The following HDDC2 variants were observed in gnomAD, a reference collection of about 807,000 sequenced individuals.
HDDC2 encodes HD domain containing 2, also known as 5'-deoxynucleotidase HDDC2.
Under a neutral mutation model 25.5 loss-of-function variants are expected in HDDC2, and 25 were observed. That is an observed-to-expected ratio of 0.98 (90% confidence interval 0.72 to 1.37). The LOEUF (loss-of-function observed/expected upper bound fraction) is 1.37. Ranked by LOEUF, HDDC2 falls within the 40% of genes most tolerant of loss-of-function variation. HDDC2 has a pLI of 0.00. For missense variants in HDDC2, 264 were observed against 253.1 expected (o/e 1.04, Z -0.29); for synonymous variants, 106 against 89.7 (o/e 1.18, Z -1.03).
intron 1 of HDDC2, among the ~76,000 whole-genome samples, chr6:125,301,315 G>C (rs994555231): frequency 2.0e-5 from 3 of 152,100 alleles, no homozygotes; most frequent in Non-Finnish European, 2.9e-5. Flanking sequence ...ATCCCGTTTG[G>C]GGGGTGGCCG....
intron 3 of HDDC2, among the ~76,000 whole-genome samples, chr6:125,295,741 A>G (rs1018685498): frequency 1.1e-4 from 17 of 152,134 alleles, no homozygotes; most frequent in African/African-American, 4.1e-4. Flanking sequence ...ACCCTCCCAG[A>G]CACAGGCATA....
Position 125,301,750 on chromosome 6 carries a change from G to A in HDDC2, c.84+99C>T, listed in dbSNP as rs996414406. 9 of 829,840 alleles carry A rather than the reference G, an allele frequency of 1.1e-5. No homozygotes were observed. The African/African-American group carries it at 1.3e-4, about 12-fold the overall frequency. 51.4% of individuals were successfully genotyped at this position (829,840 alleles called of 1,614,324 possible). A position where few individuals can be genotyped will look rare whatever the true frequency, so the allele number is the denominator to read the frequency against. On this transcript the variant is annotated intron_variant, in intron 1 of 5. Transcript: ENST00000398153. ...ATTCGGCGTGGCGGACGCGGCGCAG[G>A]AAGGGCAAAGACCGCCGGCCGAGCG...
intron 4 of HDDC2, among the ~76,000 whole-genome samples, chr6:125,287,577 G>A (rs866961170): frequency 6.6e-6 from 1 of 152,220 alleles, no homozygotes; most frequent in African/African-American, 2.4e-5. Context: ...ACAATTAGGT[G>A]TAACTGTTCA....
At chr6:125,290,087 T>C (rs1798608116) in intron 4 of HDDC2, among the ~76,000 whole-genome samples, 1 of 150,610 alleles carries the variant, frequency 6.6e-6, no homozygotes, top group East Asian at 1.9e-4. Flanking sequence ...ATAGTTGTAA[T>C]TAGCATTTCT....
intron 4 of HDDC2, chr6:125,278,988 A>G (rs956522313): frequency 6.6e-6 from 1 of 152,198 alleles, no homozygotes; most frequent in Non-Finnish European, 1.5e-5. Flanking sequence ...AAACAGCAAA[A>G]CCCAAACAAA....
At position 125,298,706 on chromosome 6, in the gene HDDC2, A is replaced by G; in HGVS notation, c.309+8T>C. The stretch of plus-strand genomic sequence containing the variant: ...TGGTTTTTTGCACAGTCAATAGTCA[A>G]CACTGACCTCTTCTCGCCTATGTTT... On this transcript the variant is annotated splice_region_variant and intron_variant, in intron 3 of 5. Coordinates refer to ENST00000398153, the MANE Select transcript of HDDC2 (RefSeq NM_016063.3). 6.2e-7 allele frequency: 1 copy of G among 1,609,964 alleles called. No individual in the cohort carries two copies. Among genetic ancestry groups the G allele is most frequent in the Non-Finnish European group, 8.5e-7 (1 of 1,176,168 alleles).
At chr6:125,300,333 C>T (rs1562451756) in intron 2 of HDDC2, 1 of 566,428 alleles carries the variant, frequency 1.8e-6, no homozygotes, top group South Asian at 2.6e-5. Context: ...CAGGCTCTAT[C>T]ACTTGCCAAC....
intron 4 of HDDC2, among the ~76,000 whole-genome samples, chr6:125,286,449 A>C (rs1798536522): frequency 6.6e-6 from 1 of 152,234 alleles, no homozygotes; most frequent in South Asian, 2.1e-4. Context: ...TCATGTGTAA[A>C]GAGGGATAAA....
chr6:125,281,820 C>A (rs1335099502), intron 4 of HDDC2, among the ~76,000 whole-genome samples: 1 of 152,114 alleles, frequency 6.6e-6, no homozygotes, highest in Non-Finnish European at 1.5e-5. Flanking sequence ...GCAAGATAGG[C>A]CAGCATTCAA....
In HDDC2 at chr6:125,300,605, A is replaced by G. The variant is rs573486083; in HGVS notation, c.139T>C (p.Ser47Pro). 3.1e-5 allele frequency: 50 copies of G among 1,614,164 alleles called. No individual in the cohort carries two copies. The East Asian group carries it at 1.1e-3, about 35-fold the overall frequency. The change falls in exon 2 of 6, where the codon TCA becomes CCA. Residue 47 changes from serine (S) to proline (P), a missense_variant. Ser to Pro is a moderately conservative substitution (Grantham distance 74, BLOSUM62 -1). Coordinates refer to ENST00000398153, the MANE Select transcript of HDDC2 (RefSeq NM_016063.3). ...YRNVQRPESV[S>P]DHMYRMAVMA... ...ACTGCCATCCGGTACATGTGATCTG[A>G]AACGCTCTCCGGCCTCTGGACATTT...
rs1260454389 is a variant in HDDC2 at position 125,301,904 on chromosome 6, G to A, written c.29C>T (p.Ser10Leu). The change falls in exon 1 of 6, where the codon TCG becomes TTG. Residue 10 changes from serine (S) to leucine (L), a missense_variant. Transcript: ENST00000398153. ...CAGTAGGGACCGAGCCCCGTGGCCC[G>A]AGAAGGTCGCAGAGGAGACCGAAGC... MASVSSATFSGHGARSLLQF... is the reference protein window; with the variant it reads MASVSSATFLGHGARSLLQF... The A allele has an allele frequency of 5.2e-6, 8 of 1,552,020 alleles. No individual in the cohort carries two copies. The highest frequency in any genetic ancestry group is 4.8e-5 in the East Asian group (2 of 41,572).
At chr6:125,282,978 G>A (rs184181046) in intron 4 of HDDC2, among the ~76,000 whole-genome samples, 4 of 152,226 alleles carry the variant, frequency 2.6e-5, no homozygotes, top group African/African-American at 9.6e-5. Flanking sequence ...CCTAAATATA[G>A]GCTTCATCTT....
At chr6:125,301,482 G>GCACACACACGCGCGCACGCACACA (rs1412473241) in intron 1 of HDDC2, among the ~76,000 whole-genome samples, 19 of 120,420 alleles carry the variant, frequency 1.6e-4, no homozygotes, top group African/African-American at 6.4e-4. Flanking sequence ...GGGGTCGTGA[G>GCACACACACGCGCGCACGCACACA]CACACACACA....
intron 4 of HDDC2, among the ~76,000 whole-genome samples, chr6:125,291,988 T>C (rs1436882858): frequency 1.3e-5 from 2 of 151,908 alleles, no homozygotes; most frequent in African/African-American, 4.8e-5. Flanking sequence ...CATGAAACTC[T>C]GCCAGCTTTG....
In HDDC2 at chr6:125,293,857, G is replaced by A. The variant is rs549443906; in HGVS notation, c.310-948C>T. On this transcript the variant is annotated intron_variant, in intron 3 of 5. Transcript: ENST00000398153. ...TCTGCATTTGTCAAGCAGAGGCTAG[G>A]AGAGAAGCCATATTCCCCACCACAA... 1.4e-4 allele frequency among the ~76,000 whole-genome samples: 22 copies of A among 152,266 alleles called. 1 individual carries two copies. The South Asian group carries it at 4.4e-3, about 30-fold the overall frequency.
In HDDC2 at chr6:125,301,890, G is replaced by A. The variant is rs777901471; in HGVS notation, c.43C>T (p.Arg15Trp). 1.3e-6 allele frequency: 2 copies of A among 1,551,692 alleles called. No individual in the cohort carries two copies. Among genetic ancestry groups the A allele is most frequent in the Non-Finnish European group, 8.7e-7 (1 of 1,149,450 alleles). ...SSATFSGHGA[R>W]SLLQFLRLVG... The stretch of plus-strand genomic sequence containing the variant: ...AGCCGCAGGAACTGCAGTAGGGACC[G>A]AGCCCCGTGGCCCGAGAAGGTCGCA... The change falls in exon 1 of 6, where the codon CGG (arginine) becomes TGG (tryptophan). Residue 15 changes from arginine (R) to tryptophan (W), a missense_variant. Arg to Trp is a moderately radical substitution (Grantham distance 101). Coordinates refer to ENST00000398153, the MANE Select transcript of HDDC2 (RefSeq NM_016063.3).
intron 1 of HDDC2, 35 bp from the exon 2 acceptor site, chr6:125,300,694 G>A (rs749526809): frequency 1.8e-5 from 29 of 1,600,606 alleles, no homozygotes; most frequent in Non-Finnish European, 2.4e-5. Context: ...AAGTTTTAAA[G>A]AACAAATATT....
chr6:125,276,179 G>A lies in HDDC2; in HGVS notation c.582C>T (p.Asn194=). The part of the protein sequence containing the change: ...VSELEAERST[N]IAAAASEPHS ...GTGGCTCACTGGCAGCTGCAGCTAT[G>A]TTAGTGCTTCTTTCTGCCTCAAGTT... Residue 194 remains asparagine (N), a synonymous_variant, in exon 6 of 6, where the codon AAC becomes AAT. Transcript: ENST00000398153. 6.2e-7 allele frequency: 1 copy of A among 1,614,066 alleles called. No individual in the cohort carries two copies.
At chr6:125,290,433 T>C (rs532122250) in intron 4 of HDDC2, among the ~76,000 whole-genome samples, 2 of 152,326 alleles carry the variant, frequency 1.3e-5, no homozygotes, top group South Asian at 2.1e-4. Context: ...AAGTATAAAA[T>C]GCATAAATTA....
Sources: gnomAD v4.1 joint callset for allele counts (sites outside exome capture counted in the v4.1 genomes callset) on GRCh38, gnomAD v4.1.1 for gene constraint, MANE v1.5 for transcripts, NCBI Gene and HGNC (gene_info 2026-07-23, HGNC 2026-07-21) for gene names.